The following HMBOX1 variants were observed in gnomAD, a reference collection of about 807,000 sequenced individuals.
HMBOX1 encodes the protein homeobox-containing protein 1.
HMBOX1 carries 14 observed loss-of-function variants against 54.5 expected under a neutral mutation model. The ratio of observed to expected loss-of-function variants is 0.26; its 90% CI spans 0.17 to 0.40. The LOEUF (loss-of-function observed/expected upper bound fraction) is 0.40. Ranked by LOEUF, HMBOX1 falls within the 10% of genes least tolerant of loss-of-function variation. The probability of loss-of-function intolerance (pLI) is 1.00; values close to 1 mark genes in which losing one functional copy is unlikely to be tolerated. For missense variants in HMBOX1, 332 were observed against 514.4 expected (o/e 0.65, Z 3.43); for synonymous variants, 160 against 181.0 (o/e 0.88, Z 0.93).
At chr8:28,939,124 T>A (rs1404535424) in intron 1 of HMBOX1, among the ~76,000 whole-genome samples, 1 of 151,960 alleles carries the variant, frequency 6.6e-6, no homozygotes, top group African/African-American at 2.4e-5. Context: ...ATCCCATCTC[T>A]ACTAAATACA....
chr8:28,896,603 G>A (rs945064157), intron 1 of HMBOX1, among the ~76,000 whole-genome samples: 6 of 148,666 alleles, frequency 4.0e-5, no homozygotes, highest in Admixed American at 3.3e-4. Context: ...ATATGACAGT[G>A]GTCCCATAAG....
intron 1 of HMBOX1, among the ~76,000 whole-genome samples, chr8:28,956,979 C>A (rs1335939085): frequency 6.6e-6 from 1 of 152,086 alleles, no homozygotes; most frequent in Non-Finnish European, 1.5e-5. Context: ...TTATTAAAGT[C>A]AAAAAACAAC....
At chr8:29,042,877 G>A (rs1234379582) in intron 6 of HMBOX1, among the ~76,000 whole-genome samples, 1 of 152,148 alleles carries the variant, frequency 6.6e-6, no homozygotes, top group African/African-American at 2.4e-5. Context: ...TGGGTGGGGG[G>A]ATTAAGCAGT....
intron 4 of HMBOX1, among the ~76,000 whole-genome samples, chr8:28,999,710 C>T (rs1832355258): frequency 6.6e-6 from 1 of 151,858 alleles, no homozygotes; most frequent in African/African-American, 2.4e-5. Flanking sequence ...TTATACTTTT[C>T]AATTCCAAAA....
chr8:28,948,475 GT>G (rs1822874844), intron 1 of HMBOX1, among the ~76,000 whole-genome samples: 2 of 152,146 alleles, frequency 1.3e-5, no homozygotes, highest in African/African-American at 2.4e-5. Flanking sequence ...TGAAAATAAT[GT>G]TTTAAAATTT....
chr8:28,941,934 T>C (rs1016904720), intron 1 of HMBOX1, among the ~76,000 whole-genome samples: 1 of 152,180 alleles, frequency 6.6e-6, no homozygotes, highest in Non-Finnish European at 1.5e-5. Context: ...CTAGGAGCCC[T>C]TGAATGGAAT....
intron 1 of HMBOX1, among the ~76,000 whole-genome samples, chr8:28,956,174 T>C (rs747834983): frequency 3.3e-5 from 5 of 152,156 alleles, no homozygotes; most frequent in Non-Finnish European, 7.4e-5. Context: ...AAGATATGTC[T>C]GTTAAATTTT....
intron 3 of HMBOX1, among the ~76,000 whole-genome samples, chr8:28,973,241 T>A (rs1171306465): frequency 6.6e-6 from 1 of 152,154 alleles, no homozygotes; most frequent in Non-Finnish European, 1.5e-5. Context: ...GAAACTGAAA[T>A]TCACAAAAAT....
chr8:28,991,796 A>G (rs552420127), intron 4 of HMBOX1, among the ~76,000 whole-genome samples: 1 of 152,162 alleles, frequency 6.6e-6, no homozygotes, highest in Non-Finnish European at 1.5e-5. Flanking sequence ...CCCTATCAAC[A>G]TCTAGCTGTC....
intron 1 of HMBOX1, among the ~76,000 whole-genome samples, chr8:28,961,583 T>C (rs539865157): frequency 6.6e-6 from 1 of 152,362 alleles, no homozygotes; most frequent in East Asian, 1.9e-4. Flanking sequence ...ATATATCACA[T>C]TTCATTTATC....
At chr8:29,047,474 C>CTT (rs779972964) in intron 8 of HMBOX1, 21 bp downstream of exon 8, 4 of 1,290,916 alleles carry the variant, frequency 3.1e-6, no homozygotes, top group Admixed American at 1.7e-5. Flanking sequence ...AGTGAGGCTG[C>CTT]TTTTCTCTTG....
chr8:28,921,369 G>A (rs774549245), intron 1 of HMBOX1, among the ~76,000 whole-genome samples: 1 of 152,068 alleles, frequency 6.6e-6, no homozygotes. Context: ...TTCCATAGAC[G>A]TTTGACCATC....
chr8:28,938,652 T>G (rs2131989269), intron 1 of HMBOX1, among the ~76,000 whole-genome samples: 1 of 151,938 alleles, frequency 6.6e-6, no homozygotes, highest in South Asian at 2.1e-4. Flanking sequence ...CTCGCTATGT[T>G]GCTCCAGCTG....
At chr8:28,905,550 G>A (rs756707698) in intron 1 of HMBOX1, among the ~76,000 whole-genome samples, 45 of 152,248 alleles carry the variant, frequency 3.0e-4, no homozygotes, top group Non-Finnish European at 1.2e-4. Flanking sequence ...TGATTTATCA[G>A]CCTTGCTGAG....
At chr8:29,050,911 C>T (rs1418478750) in intron 9 of HMBOX1, 107 bp from the exon 10 acceptor site, 3 of 1,050,640 alleles carry the variant, frequency 2.9e-6, no homozygotes, top group Non-Finnish European at 4.2e-6. Flanking sequence ...GCCCCTCCCC[C>T]AGTTTCCTCC....
At chr8:29,018,969 C>G in intron 6 of HMBOX1, 56 bp downstream of exon 6, 1 of 1,512,736 alleles carries the variant, frequency 6.6e-7, no homozygotes, top group Non-Finnish European at 9.2e-7. Flanking sequence ...GACATCAACT[C>G]TGGATAGACT....
intron 3 of HMBOX1, among the ~76,000 whole-genome samples, chr8:28,975,730 G>A (rs371312562): frequency 6.6e-6 from 1 of 151,872 alleles, no homozygotes; most frequent in East Asian, 1.9e-4. Context: ...TTGAGGCATA[G>A]AAATCTTGAA....
At chr8:29,001,141 A>G (rs1045083563) in intron 4 of HMBOX1, among the ~76,000 whole-genome samples, 2 of 152,242 alleles carry the variant, frequency 1.3e-5, no homozygotes, top group African/African-American at 4.8e-5. Context: ...TCCTCAAAGT[A>G]TGAAAATGGA....
chr8:28,926,282 GATATAT>G (rs111417034), intron 1 of HMBOX1, among the ~76,000 whole-genome samples: 153 of 145,662 alleles, frequency 1.1e-3, no homozygotes, highest in Non-Finnish European at 1.9e-3. Flanking sequence ...ATTCATGGCA[GATATAT>G]ATATATATAT....
Sources: gnomAD v4.1 joint callset for allele counts (sites outside exome capture counted in the v4.1 genomes callset) on GRCh38, gnomAD v4.1.1 for gene constraint, MANE v1.5 for transcripts, NCBI Gene and HGNC (gene_info 2026-07-23, HGNC 2026-07-21) for gene names.